Variants in WWOX observed in about 807,000 individuals in gnomAD.
WWOX encodes the protein WW domain containing oxidoreductase, also known as WW domain-containing oxidoreductase.
In WWOX, 69 loss-of-function variants were observed where a neutral mutation model predicts 46.2. The ratio of observed to expected loss-of-function variants is 1.49; its 90% CI spans 1.23 to 1.82. WWOX has a LOEUF of 1.82. Among genes scored for constraint, WWOX ranks in the 40% most tolerant of loss-of-function variants. The pLI is 0.00. For synonymous variants in WWOX, 359 were observed against 202.6 expected, an observed-to-expected ratio of 1.77 and a Z score of -6.56; for missense variants, 919 against 542.6, an observed-to-expected ratio of 1.69 and a Z score of -6.89.
chr16:79,095,111 AG>A (rs2049042233), intron 8 of WWOX, among the ~76,000 whole-genome samples: 1 of 152,126 alleles, frequency 6.6e-6, no homozygotes, highest in Admixed American at 6.5e-5. Flanking sequence ...ATTGCAAAGG[AG>A]GCTTCTCTAA....
chr16:78,794,922 G>T (rs1438779701), intron 8 of WWOX, among the ~76,000 whole-genome samples: 1 of 152,184 alleles, frequency 6.6e-6, no homozygotes, highest in Non-Finnish European at 1.5e-5. Flanking sequence ...CCCTGTGCCT[G>T]GCATACTGCA....
intron 8 of WWOX, among the ~76,000 whole-genome samples, chr16:78,629,845 A>C (rs1488376391): frequency 6.6e-6 from 1 of 152,194 alleles, no homozygotes; most frequent in East Asian, 1.9e-4. Context: ...ACTAATTTAG[A>C]AATAGAAAAT....
intron 8 of WWOX, among the ~76,000 whole-genome samples, chr16:78,978,773 C>G (rs1016267642): frequency 6.6e-6 from 1 of 152,136 alleles, no homozygotes. Flanking sequence ...TGGGACAACA[C>G]CAAGGAGATA....
chr16:78,461,736 C>T (rs755240017), intron 8 of WWOX, among the ~76,000 whole-genome samples: 1 of 152,196 alleles, frequency 6.6e-6, no homozygotes, highest in Non-Finnish European at 1.5e-5. Flanking sequence ...TGAATTATAC[C>T]TTATTTATGA....
chr16:78,444,526 G>A (rs1259434550), intron 8 of WWOX, among the ~76,000 whole-genome samples: 3 of 149,054 alleles, frequency 2.0e-5, no homozygotes, highest in Non-Finnish European at 4.4e-5. Context: ...GGGATGAGGA[G>A]CAATTCTTTT....
intron 8 of WWOX, among the ~76,000 whole-genome samples, chr16:79,176,547 T>G (rs1381981915): frequency 6.6e-6 from 1 of 152,202 alleles, no homozygotes; most frequent in Non-Finnish European, 1.5e-5. Context: ...TGGTATAAAC[T>G]TGAGTCTTCT....
chr16:78,253,731 A>G (rs1399537450), intron 5 of WWOX, among the ~76,000 whole-genome samples: 3 of 152,242 alleles, frequency 2.0e-5, no homozygotes, highest in African/African-American at 4.8e-5. Context: ...TTAGTTTTAA[A>G]GAGTCTTAGA....
intron 8 of WWOX, among the ~76,000 whole-genome samples, chr16:78,678,905 C>T (rs991046916): frequency 6.6e-6 from 1 of 152,176 alleles, no homozygotes; most frequent in Non-Finnish European, 1.5e-5. Context: ...AAGCCACCTA[C>T]CCAGGCTGGC....
chr16:79,056,409 C>T (rs116373452), intron 8 of WWOX, among the ~76,000 whole-genome samples: 2,365 of 152,216 alleles, frequency 0.016, 23 homozygotes, highest in African/African-American at 0.029. Context: ...GTGAATGAGG[C>T]CTGTGCCTTG....
At chr16:78,747,238 C>T (rs1597539217) in intron 8 of WWOX, among the ~76,000 whole-genome samples, 1 of 145,678 alleles carries the variant, frequency 6.9e-6, no homozygotes, top group South Asian at 2.2e-4. Flanking sequence ...GTCATGCAGG[C>T]TGGAGTGCAG....
intron 8 of WWOX, among the ~76,000 whole-genome samples, chr16:78,746,355 G>A (rs942026985): frequency 3.9e-5 from 6 of 152,078 alleles, no homozygotes; most frequent in African/African-American, 2.4e-5. Flanking sequence ...AAAATTAGCT[G>A]GGAATGATGG....
At chr16:79,044,045 G>C (rs542808549) in intron 8 of WWOX, among the ~76,000 whole-genome samples, 78 of 152,280 alleles carry the variant, frequency 5.1e-4, no homozygotes, top group African/African-American at 1.7e-3. Context: ...AAGAGGCTTC[G>C]GCCCTGCCCA....
At chr16:78,208,579 A>C (rs2036465869) in intron 5 of WWOX, among the ~76,000 whole-genome samples, 1 of 152,218 alleles carries the variant, frequency 6.6e-6, no homozygotes, top group Non-Finnish European at 1.5e-5. Flanking sequence ...CAAAGGCATA[A>C]ATGCATGCGT....
chr16:78,353,837 C>A (rs113416656), intron 5 of WWOX, among the ~76,000 whole-genome samples: 2 of 152,184 alleles, frequency 1.3e-5, no homozygotes, highest in Admixed American at 1.3e-4. Flanking sequence ...GCTTGGGTGG[C>A]GTTCGCTTTA....
At chr16:78,872,267 A>G (rs544388266) in intron 8 of WWOX, among the ~76,000 whole-genome samples, 2 of 152,346 alleles carry the variant, frequency 1.3e-5, no homozygotes, top group South Asian at 4.1e-4. Context: ...AGTTTACTTA[A>G]TTTCTCCAAG....
intron 8 of WWOX, among the ~76,000 whole-genome samples, chr16:78,448,869 G>T (rs980619550): frequency 5.9e-5 from 9 of 152,134 alleles, no homozygotes; most frequent in Admixed American, 2.0e-4. Context: ...TGGTGAGGGG[G>T]CTGTTTAGCA....
chr16:78,367,180 C>T (rs2081554991), intron 5 of WWOX, among the ~76,000 whole-genome samples: 1 of 151,864 alleles, frequency 6.6e-6, no homozygotes, highest in African/African-American at 2.4e-5. Flanking sequence ...AGGGTTTCAC[C>T]ATGTTAGCCA....
intron 8 of WWOX, among the ~76,000 whole-genome samples, chr16:78,839,315 T>C (rs2052075018): frequency 6.6e-6 from 1 of 152,284 alleles, no homozygotes; most frequent in African/African-American, 2.4e-5. Flanking sequence ...GGTTTTAAAA[T>C]GTAATTACAT....
chr16:78,748,495 C>G (rs1380665718), intron 8 of WWOX, among the ~76,000 whole-genome samples: 1 of 152,190 alleles, frequency 6.6e-6, no homozygotes, highest in Admixed American at 6.5e-5. Context: ...CCTTTCGGCT[C>G]CTTTCTGCCA....
Sources: allele counts gnomAD v4.1 joint callset (sites outside exome capture counted in the v4.1 genomes callset), GRCh38; gene constraint gnomAD v4.1.1; transcripts MANE v1.5; gene names NCBI Gene and HGNC (gene_info 2026-07-23, HGNC 2026-07-21).